CSTPP1: variants seen among roughly 807,000 people sequenced by gnomAD.
CSTPP1 encodes centriolar satellite-associated tubulin polyglutamylase complex regulator 1, also known as UPF0705 protein C11orf49.
At chr11:47,068,870 A>G in the CSTPP1 span, among the ~76,000 whole-genome samples, 12 of 152,296 alleles carry the variant, frequency 7.9e-5, no homozygotes, top group Admixed American at 3.9e-4. Context: ...TCATGCCAAT[A>G]TAGTCCTGGA....
chr11:47,097,028 G>A, the CSTPP1 span, among the ~76,000 whole-genome samples: 4 of 152,044 alleles, frequency 2.6e-5, no homozygotes, highest in East Asian at 7.8e-4. Context: ...AGCCCGGCCA[G>A]CCACCCCGTC....
the CSTPP1 span, among the ~76,000 whole-genome samples, chr11:47,110,657 T>G: frequency 6.6e-6 from 1 of 152,216 alleles, no homozygotes; most frequent in Non-Finnish European, 1.5e-5. Flanking sequence ...TGCCTGGCTT[T>G]GCTTTCCTTA....
the CSTPP1 span, among the ~76,000 whole-genome samples, chr11:47,138,335 C>T: frequency 6.6e-6 from 1 of 152,162 alleles, no homozygotes; most frequent in Non-Finnish European, 1.5e-5. Flanking sequence ...ATCCAATCAC[C>T]TTCCACCAGG....
chr11:47,127,403 G>T, the CSTPP1 span, among the ~76,000 whole-genome samples: 1 of 152,230 alleles, frequency 6.6e-6, no homozygotes, highest in Non-Finnish European at 1.5e-5. Context: ...GACAGTCTGG[G>T]AAAGTGGCGC....
the CSTPP1 span, among the ~76,000 whole-genome samples, chr11:47,010,407 G>A: frequency 6.6e-6 from 1 of 152,220 alleles, no homozygotes; most frequent in Non-Finnish European, 1.5e-5. Flanking sequence ...CTTAAGCAAA[G>A]AGACTGGAGT....
the CSTPP1 span, among the ~76,000 whole-genome samples, chr11:46,997,723 G>A: frequency 1.2e-4 from 18 of 152,146 alleles, no homozygotes; most frequent in Admixed American, 3.3e-4. Flanking sequence ...TGATGGTGAC[G>A]TACAGATGGG....
chr11:47,073,192 A>T, the CSTPP1 span, among the ~76,000 whole-genome samples: 1 of 152,198 alleles, frequency 6.6e-6, no homozygotes, highest in Non-Finnish European at 1.5e-5. Context: ...AGCATCTGCT[A>T]TGTGTCCAAA....
chr11:47,132,908 C>T, the CSTPP1 span, among the ~76,000 whole-genome samples: 1 of 152,194 alleles, frequency 6.6e-6, no homozygotes, highest in Non-Finnish European at 1.5e-5. Context: ...AATGATTACA[C>T]CTCACTGAGC....
At chr11:46,987,275 T>C in the CSTPP1 span, 4 of 1,614,080 alleles carry the variant, frequency 2.5e-6, no homozygotes, top group Admixed American at 3.3e-5. Flanking sequence ...GGGAAGATAT[T>C]AGCCAATATG....
chr11:47,019,153 G>T, the CSTPP1 span, among the ~76,000 whole-genome samples: 1 of 152,098 alleles, frequency 6.6e-6, no homozygotes, highest in East Asian at 1.9e-4. Context: ...GATTACAGGC[G>T]TGAGCCATCA....
At chr11:47,066,109 T>TG in the CSTPP1 span, among the ~76,000 whole-genome samples, 800 of 140,954 alleles carry the variant, frequency 5.7e-3, 8 homozygotes, top group African/African-American at 0.02. Context: ...TTTTTTTTTT[T>TG]TTTTTTTTGT....
At chr11:47,046,017 C>T in the CSTPP1 span, among the ~76,000 whole-genome samples, 1 of 151,896 alleles carries the variant, frequency 6.6e-6, no homozygotes, top group East Asian at 1.9e-4. Context: ...GTACTCCTGA[C>T]TTCATGATGC....
the CSTPP1 span, among the ~76,000 whole-genome samples, chr11:47,060,720 C>T: frequency 6.6e-6 from 1 of 152,056 alleles, no homozygotes; most frequent in African/African-American, 2.4e-5. Context: ...GTAATGGGTG[C>T]AACAAAATCT....
the CSTPP1 span, among the ~76,000 whole-genome samples, chr11:46,951,417 C>T: frequency 1.3e-5 from 2 of 151,724 alleles, no homozygotes; most frequent in African/African-American, 2.4e-5. Context: ...CCACCTCAGC[C>T]TCCCAGGTAG....
At chr11:46,970,967 A>G in the CSTPP1 span, among the ~76,000 whole-genome samples, 1 of 152,224 alleles carries the variant, frequency 6.6e-6, no homozygotes, top group East Asian at 1.9e-4. Flanking sequence ...ATATGGAAAG[A>G]TGTACATGAA....
chr11:46,948,497 T>C, the CSTPP1 span, among the ~76,000 whole-genome samples: 1 of 151,792 alleles, frequency 6.6e-6, no homozygotes, highest in Non-Finnish European at 1.5e-5. Flanking sequence ...CACTCAGGTC[T>C]CTTTGTGGAA....
chr11:47,104,289 T>C, the CSTPP1 span, among the ~76,000 whole-genome samples: 1 of 152,186 alleles, frequency 6.6e-6, no homozygotes. Flanking sequence ...CCCACTCATC[T>C]CCACCCCCAA....
At chr11:47,145,211 C>A in the CSTPP1 span, among the ~76,000 whole-genome samples, 1 of 152,024 alleles carries the variant, frequency 6.6e-6, no homozygotes, top group Non-Finnish European at 1.5e-5. Context: ...TGGTCCCAAT[C>A]TCTTGACCTT....
At chr11:47,112,908 G>A in the CSTPP1 span, among the ~76,000 whole-genome samples, 1 of 152,040 alleles carries the variant, frequency 6.6e-6, no homozygotes, top group South Asian at 2.1e-4. Context: ...TGGTACATAG[G>A]TGTACATGTG....
Sources: gnomAD v4.1 joint callset for allele counts (sites outside exome capture counted in the v4.1 genomes callset) on GRCh38, gnomAD v4.1.1 for gene constraint, MANE v1.5 for transcripts, NCBI Gene and HGNC (gene_info 2026-07-23, HGNC 2026-07-21) for gene names.